The following LRFN5 variants were observed in gnomAD, a reference collection of about 807,000 sequenced individuals.
LRFN5 encodes the protein leucine rich repeat and fibronectin type III domain containing 5, also known as leucine-rich repeat and fibronectin type-III domain-containing protein 5.
LRFN5 carries 24 observed loss-of-function variants against 45.6 expected under a neutral mutation model. That is an observed-to-expected ratio of 0.53 (90% CI 0.38 to 0.74). The LOEUF is 0.74. LRFN5 is among the 30% of genes least tolerant of loss of function. The pLI, the probability that LRFN5 is intolerant of heterozygous loss-of-function variation, is 0.00. For synonymous variants in LRFN5, 340 were observed against 313.8 expected, an observed-to-expected ratio of 1.08 and a Z score of -0.88; for missense variants, 776 against 861.5, an observed-to-expected ratio of 0.90 and a Z score of 1.24.
At chr14:41,820,367 A>G (rs1888072460) in intron 2 of LRFN5, among the ~76,000 whole-genome samples, 2 of 152,020 alleles carry the variant, frequency 1.3e-5, no homozygotes, top group Non-Finnish European at 2.9e-5. Flanking sequence ...TTTATCAAAT[A>G]GATTCCCATT....
At chr14:41,747,439 G>T (rs1022613843) in intron 1 of LRFN5, among the ~76,000 whole-genome samples, 1 of 151,950 alleles carries the variant, frequency 6.6e-6, no homozygotes, top group African/African-American at 2.4e-5. Context: ...GTGGGGAAAG[G>T]ACAGTCTTTT....
rs534852259 is a variant in LRFN5 at position 41,701,886 on chromosome 14, G to A, written c.-196-64968G>A. ...TCACCTAGAAGCCTTTCAGAAAAGC[G>A]GAACCTCAAGCCCAACCCCTGATTT... is the stretch of plus-strand genomic sequence containing the variant. On this transcript the variant is annotated intron_variant, in intron 1 of 5. Transcript: ENST00000298119. 3.3e-5 allele frequency among the ~76,000 whole-genome samples: 5 copies of A among 152,162 alleles called. No individual in the cohort carries two copies. In the South Asian group the frequency reaches 6.2e-4, roughly 19 times the overall value.
rs186079663 is a variant in LRFN5, at chr14:41,784,329, C to T, written c.-21+17300C>T. Among the ~76,000 whole-genome samples the T allele has an allele frequency of 4.9e-3, 740 of 152,090 alleles. 18 individuals are homozygous for T. The South Asian group carries it at 0.058, about 12-fold the overall frequency. On this transcript the variant is annotated intron_variant, in intron 2 of 5. Coordinates refer to ENST00000298119, the MANE Select transcript of LRFN5 (RefSeq NM_152447.5). The stretch of plus-strand genomic sequence containing the variant: ...ATGCTGATCTCTAATAGTGCCAATC[C>T]TCCAACATTGTTGTATTTCCAAATT...
chr14:41,640,837 C>T (rs910850984), intron 1 of LRFN5, among the ~76,000 whole-genome samples: 2 of 152,044 alleles, frequency 1.3e-5, no homozygotes, highest in Non-Finnish European at 2.9e-5. Context: ...ACGCTTCTGT[C>T]TTGCATGCTT....
chr14:41,797,453 A>G (rs1252383591), intron 2 of LRFN5, among the ~76,000 whole-genome samples: 1 of 151,640 alleles, frequency 6.6e-6, no homozygotes, highest in Non-Finnish European at 1.5e-5. Context: ...AAATCTTATG[A>G]TAGCATTGTT....
At position 41,862,733 on chromosome 14, in the gene LRFN5, A is replaced by G. The variant is rs543724388; in HGVS notation, c.-20-23873A>G. On this transcript the variant is annotated intron_variant, in intron 2 of 5. Transcript: ENST00000298119. The stretch of plus-strand genomic sequence containing the variant: ...TATGAGGGGTCATTGGTGGATGTGT[A>G]TATATGTAGTAGTAACACAGTGTTA... Among the ~76,000 whole-genome samples the G allele has an allele frequency of 1.6e-3, 243 of 152,228 alleles. 1 individual carries two copies. Among genetic ancestry groups the G allele is most frequent in the Non-Finnish European group, 2.6e-3 (175 of 68,016 alleles).
chr14:41,830,144 T>G (rs903040183), intron 2 of LRFN5, among the ~76,000 whole-genome samples: 2 of 151,732 alleles, frequency 1.3e-5, no homozygotes, highest in Admixed American at 6.6e-5. Context: ...TTAACTTGTA[T>G]TATAAACTTA....
intron 2 of LRFN5, among the ~76,000 whole-genome samples, chr14:41,815,486 A>T (rs1197693628): frequency 1.3e-5 from 2 of 152,050 alleles, no homozygotes; most frequent in South Asian, 2.1e-4. Context: ...ATCTATAATC[A>T]CAGTGCTTTG....
intron 2 of LRFN5, among the ~76,000 whole-genome samples, chr14:41,825,800 G>A (rs1404935778): frequency 6.6e-6 from 1 of 152,124 alleles, no homozygotes; most frequent in Admixed American, 6.5e-5. Flanking sequence ...ATGCCCTCAA[G>A]AAGCTCTCAA....
chr14:41,727,956 C>T (rs1884006234), intron 1 of LRFN5, among the ~76,000 whole-genome samples: 1 of 152,122 alleles, frequency 6.6e-6, no homozygotes, highest in African/African-American at 2.4e-5. Context: ...CCTTCTCACC[C>T]TTGAGTGTAA....
chr14:41,638,794 G>A (rs1453294297), intron 1 of LRFN5, among the ~76,000 whole-genome samples: 1 of 151,860 alleles, frequency 6.6e-6, no homozygotes, highest in Non-Finnish European at 1.5e-5. Context: ...TTTTTATAAA[G>A]CATAGTAATA....
chr14:41,609,383 T>C (rs984589760), intron 1 of LRFN5, among the ~76,000 whole-genome samples: 3 of 151,570 alleles, frequency 2.0e-5, no homozygotes, highest in African/African-American at 7.3e-5. Context: ...ATTTTTTTTT[T>C]CCGGTGCCTT....
At chr14:41,903,781 A>G (rs532501625) in intron 5 of LRFN5, among the ~76,000 whole-genome samples, 1 of 152,018 alleles carries the variant, frequency 6.6e-6, no homozygotes, top group Non-Finnish European at 1.5e-5. Flanking sequence ...TGTAAGTAGC[A>G]TGCTTTAATA....
At chr14:41,740,390 A>G (rs1884640005) in intron 1 of LRFN5, among the ~76,000 whole-genome samples, 1 of 152,052 alleles carries the variant, frequency 6.6e-6, no homozygotes, top group Admixed American at 6.6e-5. Flanking sequence ...CTCAATGCAC[A>G]TAAATCAATA....
At chr14:41,719,666 C>T (rs1035843034) in intron 1 of LRFN5, among the ~76,000 whole-genome samples, 1 of 151,478 alleles carries the variant, frequency 6.6e-6, no homozygotes, top group Non-Finnish European at 1.5e-5. Context: ...TTACTCTTTC[C>T]ATCTTTTAAG....
At chr14:41,679,252 G>A (rs952324269) in intron 1 of LRFN5, among the ~76,000 whole-genome samples, 7 of 152,136 alleles carry the variant, frequency 4.6e-5, no homozygotes, top group African/African-American at 7.2e-5. Context: ...GCAGCCATGC[G>A]ACGCAGTGAA....
intron 1 of LRFN5, among the ~76,000 whole-genome samples, chr14:41,709,726 G>A (rs1566630986): frequency 6.6e-6 from 1 of 151,788 alleles, no homozygotes; most frequent in Admixed American, 6.6e-5. Flanking sequence ...TAGCCAAAAA[G>A]CCAAAATAGC....
At chr14:41,737,227 A>T (rs1022461734) in intron 1 of LRFN5, among the ~76,000 whole-genome samples, 2 of 152,220 alleles carry the variant, frequency 1.3e-5, no homozygotes, top group African/African-American at 4.8e-5. Flanking sequence ...GATACATTAC[A>T]TAAACAGAAC....
intron 2 of LRFN5, among the ~76,000 whole-genome samples, chr14:41,874,853 C>T (rs981299006): frequency 1.3e-5 from 2 of 152,170 alleles, no homozygotes; most frequent in Non-Finnish European, 2.9e-5. Context: ...GAGAAGCAAA[C>T]ATGTCCTTCT....
Sources: allele counts gnomAD v4.1 joint callset (sites outside exome capture counted in the v4.1 genomes callset), GRCh38; gene constraint gnomAD v4.1.1; transcripts MANE v1.5; gene names NCBI Gene and HGNC (gene_info 2026-07-23, HGNC 2026-07-21).